SLC8A1: variants seen among roughly 807,000 people sequenced by gnomAD.
SLC8A1 encodes the protein sodium/calcium exchanger 1.
In SLC8A1, 18 loss-of-function variants were observed where a neutral mutation model predicts 68.3. The observed-to-expected ratio is 0.26, with a 90% CI of 0.18 to 0.39. The LOEUF is 0.39. SLC8A1 is among the 10% of genes least tolerant of loss of function. The pLI, the probability that SLC8A1 is intolerant of heterozygous loss-of-function variation, is 1.00. For synonymous variants in SLC8A1, 475 were observed against 415.5 expected, an observed-to-expected ratio of 1.14 and a Z score of -1.74; for missense variants, 985 against 1,156.7, an observed-to-expected ratio of 0.85 and a Z score of 2.15.
chr2:40,280,207 C>T (rs2067307191), intron 2 of SLC8A1, among the ~76,000 whole-genome samples: 1 of 138,378 alleles, frequency 7.2e-6, no homozygotes, highest in South Asian at 2.2e-4. Flanking sequence ...TGAATGTCTG[C>T]CATTATAAAA....
At chr2:40,397,074 A>G (rs1326240762) in intron 2 of SLC8A1, among the ~76,000 whole-genome samples, 1 of 152,198 alleles carries the variant, frequency 6.6e-6, no homozygotes, top group Non-Finnish European at 1.5e-5. Flanking sequence ...GGATCCGTGG[A>G]TCAGTTAATT....
At chr2:40,384,819 T>C (rs1169067894) in intron 2 of SLC8A1, among the ~76,000 whole-genome samples, 2 of 152,104 alleles carry the variant, frequency 1.3e-5, no homozygotes, top group Non-Finnish European at 2.9e-5. Context: ...TTTCCCGGCA[T>C]TTTATCTTCT....
At chr2:40,214,489 C>T (rs992390556) in intron 2 of SLC8A1, among the ~76,000 whole-genome samples, 2 of 149,938 alleles carry the variant, frequency 1.3e-5, no homozygotes, top group East Asian at 3.9e-4. Flanking sequence ...GTCTCCTGGG[C>T]TGGAGTGCAA....
chr2:40,510,249 T>C (rs1273406394), intron 1 of SLC8A1, among the ~76,000 whole-genome samples: 4 of 152,200 alleles, frequency 2.6e-5, no homozygotes, highest in African/African-American at 9.6e-5. Flanking sequence ...GCTTAAGAAG[T>C]CATGAAATAA....
At chr2:40,146,861 G>A (rs1399680529) in intron 6 of SLC8A1, among the ~76,000 whole-genome samples, 1 of 152,124 alleles carries the variant, frequency 6.6e-6, no homozygotes, top group African/African-American at 2.4e-5. Flanking sequence ...GGGCCATACT[G>A]TCCCACGGGA....
At chr2:40,194,272 G>A (rs1048527648) in intron 2 of SLC8A1, among the ~76,000 whole-genome samples, 9 of 152,076 alleles carry the variant, frequency 5.9e-5, no homozygotes, top group Non-Finnish European at 8.8e-5. Flanking sequence ...AAAAACTAAG[G>A]TCTCAGGTTA....
chr2:40,480,768 C>T (rs1219224500), intron 1 of SLC8A1, among the ~76,000 whole-genome samples: 3 of 152,194 alleles, frequency 2.0e-5, no homozygotes, highest in South Asian at 2.1e-4. Context: ...CACATATTGT[C>T]GAGAATGAAT....
intron 2 of SLC8A1, among the ~76,000 whole-genome samples, chr2:40,293,837 T>A (rs2069799353): frequency 1.3e-5 from 2 of 150,764 alleles, no homozygotes; most frequent in Non-Finnish European, 2.9e-5. Context: ...TTTTATGTCA[T>A]AAAAAACAAA....
At chr2:40,326,818 T>A (rs1306829750) in intron 2 of SLC8A1, among the ~76,000 whole-genome samples, 1 of 152,172 alleles carries the variant, frequency 6.6e-6, no homozygotes, top group African/African-American at 2.4e-5. Flanking sequence ...TCTAATCTGT[T>A]TGATCCATTT....
chr2:40,294,888 C>A (rs370805427), intron 2 of SLC8A1, among the ~76,000 whole-genome samples: 16 of 152,012 alleles, frequency 1.1e-4, no homozygotes, highest in Non-Finnish European at 1.0e-4. Context: ...GTCACATGTA[C>A]GTATAATCTG....
intron 7 of SLC8A1, among the ~76,000 whole-genome samples, chr2:40,136,261 T>C (rs1188250358): frequency 1.3e-5 from 2 of 152,076 alleles, no homozygotes; most frequent in African/African-American, 2.4e-5. Flanking sequence ...ACACCTAACA[T>C]TGAGGGTAAG....
intron 2 of SLC8A1, among the ~76,000 whole-genome samples, chr2:40,301,561 A>C (rs2149267720): frequency 6.6e-6 from 1 of 152,266 alleles, no homozygotes; most frequent in Non-Finnish European, 1.5e-5. Flanking sequence ...AAAGGCATAA[A>C]AATGATACAA....
At chr2:40,502,812 C>A (rs1001126173) in intron 1 of SLC8A1, among the ~76,000 whole-genome samples, 2 of 151,972 alleles carry the variant, frequency 1.3e-5, no homozygotes, top group African/African-American at 4.8e-5. Flanking sequence ...CTGGTTAGAA[C>A]CCTTACCTCC....
rs1333608962 is a variant in SLC8A1 at position 40,200,230 on chromosome 2, A to T, written c.1809-22375T>A. On this transcript the variant is annotated intron_variant, in intron 2 of 7. Transcript: ENST00000406785. ...TAAATATATATATATTTTTTTATAT[A>T]TATATATAAATATATATATATATAT... 2.3e-4 allele frequency among the ~76,000 whole-genome samples: 7 copies of T among 30,294 alleles called. 1 individual carries two copies. The South Asian group carries it at 3.3e-3, about 14-fold the overall frequency. 19.9% of individuals were successfully genotyped at this position (30,294 alleles called of 152,430 possible).
At chr2:40,501,372 A>G (rs1000831867) in intron 1 of SLC8A1, among the ~76,000 whole-genome samples, 6 of 152,114 alleles carry the variant, frequency 3.9e-5, no homozygotes, top group South Asian at 2.1e-4. Context: ...CAGTTCTTCA[A>G]GTAAATTAGC....
chr2:40,397,532 C>T (rs565417402), intron 2 of SLC8A1, among the ~76,000 whole-genome samples: 15 of 152,152 alleles, frequency 9.9e-5, no homozygotes, highest in Admixed American at 2.0e-4. Flanking sequence ...AAACCATCTA[C>T]GCACTTGAAA....
At chr2:40,128,500 G>A (rs1341062520) in intron 7 of SLC8A1, among the ~76,000 whole-genome samples, 2 of 152,186 alleles carry the variant, frequency 1.3e-5, no homozygotes, top group Non-Finnish European at 2.9e-5. Flanking sequence ...GGCCATGAAT[G>A]AGAGTAAGAA....
At chr2:40,184,333 A>G (rs1211607363) in intron 2 of SLC8A1, among the ~76,000 whole-genome samples, 5 of 152,182 alleles carry the variant, frequency 3.3e-5, no homozygotes, top group Non-Finnish European at 7.4e-5. Flanking sequence ...TCCAAACTAA[A>G]TTTTAGATCT....
intron 2 of SLC8A1, among the ~76,000 whole-genome samples, chr2:40,401,567 C>CACAA (rs1688733801): frequency 1.1e-5 from 1 of 94,094 alleles, no homozygotes; most frequent in African/African-American, 4.1e-5. Context: ...ATAGGCCAGT[C>CACAA]AAAAAAAAAA....
Sources: gnomAD v4.1 joint callset for allele counts (sites outside exome capture counted in the v4.1 genomes callset) on GRCh38, gnomAD v4.1.1 for gene constraint, MANE v1.5 for transcripts, NCBI Gene and HGNC (gene_info 2026-07-23, HGNC 2026-07-21) for gene names.